Variants in CACNA1E observed in about 807,000 individuals in gnomAD.
CACNA1E encodes voltage-dependent R-type calcium channel subunit alpha-1E.
CACNA1E carries 40 observed loss-of-function variants against 259.2 expected under a neutral mutation model. That is an observed-to-expected ratio of 0.15 (90% CI 0.12 to 0.20). The LOEUF (loss-of-function observed/expected upper bound fraction) is 0.20. CACNA1E is among the 10% of genes least tolerant of loss of function. CACNA1E has a pLI of 1.00. For missense variants in CACNA1E, 1,874 were observed against 3,040.1 expected (o/e 0.62, Z 9.02); for synonymous variants, 1,104 against 1,138.5 (o/e 0.97, Z 0.61).
intron 43 of CACNA1E, among the ~76,000 whole-genome samples, chr1:181,787,240 C>T (rs1660922270): frequency 6.6e-6 from 1 of 152,036 alleles, no homozygotes; most frequent in African/African-American, 2.4e-5. Context: ...CTGCCTCAGC[C>T]TCCCGAGTAG....
chr1:181,368,498 G>T (rs975116943), intron 1 of CACNA1E, among the ~76,000 whole-genome samples: 4 of 152,220 alleles, frequency 2.6e-5, no homozygotes, highest in Admixed American at 6.5e-5. Context: ...ATTTATGTGA[G>T]AGAAGGTTGA....
chr1:181,503,085 C>T (rs936820609), intron 1 of CACNA1E, among the ~76,000 whole-genome samples: 1 of 152,192 alleles, frequency 6.6e-6, no homozygotes, highest in African/African-American at 2.4e-5. Context: ...AGAATGTCTG[C>T]TTCTAGGAAG....
intron 2 of CACNA1E, among the ~76,000 whole-genome samples, chr1:181,436,927 A>T (rs771379496): frequency 3.9e-5 from 6 of 152,210 alleles, no homozygotes; most frequent in Non-Finnish European, 7.3e-5. Flanking sequence ...TATCATGTAA[A>T]ATCTACAATT....
At chr1:181,418,640 G>A (rs758673492) in intron 2 of CACNA1E, among the ~76,000 whole-genome samples, 13 of 152,158 alleles carry the variant, frequency 8.5e-5, no homozygotes, top group Admixed American at 2.6e-4. Context: ...CTCCAAACCT[G>A]CTTCTCTTGT....
rs953616562 is a variant in CACNA1E at position 181,658,001 on chromosome 1, T to A, written c.1055+6560T>A. Among the ~76,000 whole-genome samples the A allele has an allele frequency of 6.6e-5, 10 of 152,234 alleles. No individual in the cohort carries two copies. The East Asian group carries it at 1.9e-3, about 29-fold the overall frequency. ...AGAAGCCTGACCACAGGCTCTCCTC[T>A]TGTATTTCTACTGAGAGGATAATGT... On this transcript the variant is annotated intron_variant, in intron 7 of 47. Transcript: ENST00000367573.
intron 3 of CACNA1E, among the ~76,000 whole-genome samples, chr1:181,537,120 A>T (rs12117289): frequency 0.16 from 16,956 of 105,400 alleles, 1,186 homozygotes; most frequent in Middle Eastern, 0.22. Context: ...TTTTTTTGAG[A>T]TGGAGTTTTG....
At chr1:181,608,293 A>C (rs1222568202) in intron 6 of CACNA1E, among the ~76,000 whole-genome samples, 1 of 152,182 alleles carries the variant, frequency 6.6e-6, no homozygotes, top group Admixed American at 6.5e-5. Flanking sequence ...CGATGAGGAT[A>C]TCCAGGTAAG....
chr1:181,526,663 A>C (rs1667381014), intron 3 of CACNA1E, among the ~76,000 whole-genome samples: 1 of 152,224 alleles, frequency 6.6e-6, no homozygotes. Context: ...TTAGAGTTAT[A>C]ACACAGGACA....
chr1:181,420,502 T>C (rs10910934), intron 2 of CACNA1E, among the ~76,000 whole-genome samples: 39,377 of 152,056 alleles, frequency 0.26, 5,155 homozygotes, highest in Admixed American at 0.3. Flanking sequence ...TTTTCATACA[T>C]ATGATCTCAT....
intron 1 of CACNA1E, among the ~76,000 whole-genome samples, chr1:181,377,839 A>G (rs534593657): frequency 6.2e-4 from 94 of 152,338 alleles, no homozygotes; most frequent in Admixed American, 2.2e-3. Context: ...AAATACAATG[A>G]GCTAGTATTT....
At chr1:181,564,483 G>A (rs1483032815) in intron 3 of CACNA1E, among the ~76,000 whole-genome samples, 1 of 152,150 alleles carries the variant, frequency 6.6e-6, no homozygotes, top group African/African-American at 2.4e-5. Flanking sequence ...TAGTTCTCTT[G>A]CTATTCTTAC....
chr1:181,645,278 G>A (rs560696326), intron 6 of CACNA1E, among the ~76,000 whole-genome samples: 6 of 152,132 alleles, frequency 3.9e-5, no homozygotes, highest in Non-Finnish European at 7.3e-5. Context: ...AGACCTTAAG[G>A]TTATCTAGAG....
chr1:181,700,365 CTCCTGTTGT>C (rs1427604832), intron 7 of CACNA1E, among the ~76,000 whole-genome samples: 5 of 152,286 alleles, frequency 3.3e-5, no homozygotes, highest in Non-Finnish European at 7.4e-5. Context: ...ACTCCATTCT[CTCCTGTTGT>C]TCCCAAATCT....
At chr1:181,781,730 C>A (rs1053225010) in intron 39 of CACNA1E, among the ~76,000 whole-genome samples, 4 of 152,122 alleles carry the variant, frequency 2.6e-5, no homozygotes, top group African/African-American at 7.2e-5. Context: ...TAATACTGTT[C>A]AACATGGTTT....
chr1:181,683,388 G>C (rs1650185670), intron 7 of CACNA1E, among the ~76,000 whole-genome samples: 1 of 152,156 alleles, frequency 6.6e-6, no homozygotes, highest in East Asian at 1.9e-4. Context: ...TGTGTTCCAT[G>C]CTCTTATGCT....
chr1:181,383,797 C>G (rs991536528), intron 1 of CACNA1E, among the ~76,000 whole-genome samples: 1 of 150,302 alleles, frequency 6.7e-6, no homozygotes, highest in Non-Finnish European at 1.5e-5. Flanking sequence ...TGACCAAACT[C>G]TGGCTGTGGA....
At chr1:181,657,166 C>A (rs1249625667) in intron 7 of CACNA1E, among the ~76,000 whole-genome samples, 1 of 152,082 alleles carries the variant, frequency 6.6e-6, no homozygotes, top group Non-Finnish European at 1.5e-5. Context: ...GTAAGTAGGT[C>A]CTCTATTCAG....
chr1:181,759,395 C>CTGTGTGTG lies in CACNA1E; in HGVS notation c.4605+551_4605+558dup, dbSNP rs10677275. On this transcript the variant is annotated intron_variant, in intron 32 of 47. Coordinates refer to ENST00000367573, the MANE Select transcript of CACNA1E (RefSeq NM_001205293.3). ...GGCTAATGACCTTTAAGGGGTGTGT[C>CTGTGTGTG]TGTGTGTGTGTGTGTGTGTGTGTGT... Among the ~76,000 whole-genome samples the CTGTGTGTG allele has an allele frequency of 3.0e-3, 444 of 146,986 alleles. 4 individuals are homozygous for CTGTGTGTG. The highest frequency in any genetic ancestry group is 7.7e-3 in the African/African-American group (304 of 39,702).
intron 1 of CACNA1E, among the ~76,000 whole-genome samples, chr1:181,372,552 G>A (rs143410389): frequency 4.0e-4 from 61 of 152,086 alleles, no homozygotes; most frequent in African/African-American, 1.3e-3. Flanking sequence ...AAGAGAGATA[G>A]TTTGACTTCC....
Sources: allele counts gnomAD v4.1 joint callset (sites outside exome capture counted in the v4.1 genomes callset), GRCh38; gene constraint gnomAD v4.1.1; transcripts MANE v1.5; gene names NCBI Gene and HGNC (gene_info 2026-07-23, HGNC 2026-07-21).